The following SENP5 variants were observed in gnomAD, a reference collection of about 807,000 sequenced individuals.
SENP5 encodes SUMO specific peptidase 5, also known as sentrin-specific protease 5.
In SENP5, 21 loss-of-function variants were observed where a neutral mutation model predicts 74.2. The observed-to-expected ratio is 0.28, with a 90% CI of 0.20 to 0.41. The LOEUF (loss-of-function observed/expected upper bound fraction) is 0.41. SENP5 is among the 10% of genes least tolerant of loss of function. The pLI is 1.00. For missense variants in SENP5, 717 were observed against 889.1 expected, an observed-to-expected ratio of 0.81 and a Z score of 2.46; for synonymous variants, 311 against 312.7, an observed-to-expected ratio of 0.99 and a Z score of 0.06.
intron 1 of SENP5, among the ~76,000 whole-genome samples, chr3:196,878,758 A>G (rs773504326): frequency 4.6e-5 from 7 of 151,840 alleles, no homozygotes; most frequent in Non-Finnish European, 7.4e-5. Flanking sequence ...TGTCTGGCTC[A>G]TTTTTGTATT....
At chr3:196,907,372 A>T (rs974608501) in intron 6 of SENP5, among the ~76,000 whole-genome samples, 12 of 150,848 alleles carry the variant, frequency 8.0e-5, no homozygotes, top group African/African-American at 2.9e-4. Context: ...TACTCAGGAG[A>T]CTGAACCCAG....
chr3:196,933,266 TG>T lies in SENP5; in HGVS notation c.*2346del, dbSNP rs1164490082. 1 of 152,152 alleles carries T rather than the reference TG, an allele frequency of 6.6e-6. No individual in the cohort carries two copies. The highest frequency in any genetic ancestry group is 1.5e-5 in the Non-Finnish European group (1 of 68,042). 9.4% of individuals were successfully genotyped at this position (152,152 alleles called of 1,614,324 possible). On this transcript the variant is annotated 3_prime_UTR_variant, in exon 10 of 10. Coordinates refer to ENST00000323460, the MANE Select transcript of SENP5 (RefSeq NM_152699.5). ...CCTGACCTCAAGTGATCTGCCCGCC[TG>T]GGCCTCCCAAAGTGCTGGGATTACA...
intron 1 of SENP5, among the ~76,000 whole-genome samples, chr3:196,880,017 C>T (rs1713654839): frequency 6.6e-6 from 1 of 152,112 alleles, no homozygotes; most frequent in African/African-American, 2.4e-5. Context: ...GTGATCTCGG[C>T]TCACTGCAAC....
chr3:196,884,004 G>A (rs908530109), intron 1 of SENP5, among the ~76,000 whole-genome samples: 6 of 152,164 alleles, frequency 3.9e-5, no homozygotes, highest in African/African-American at 1.4e-4. Flanking sequence ...GTGTTCTCAT[G>A]TGTAAAATGA....
intron 6 of SENP5, 51 bp downstream of exon 6, chr3:196,903,661 C>G: frequency 8.7e-7 from 1 of 1,150,876 alleles, no homozygotes; most frequent in Non-Finnish European, 1.3e-6. Flanking sequence ...AGATGATAAA[C>G]CACTTTGTGT....
chr3:196,902,581 T>A lies in SENP5; in HGVS notation c.1807-952T>A, dbSNP rs6771345. Among the ~76,000 whole-genome samples the A allele has an allele frequency of 7.1e-3, 1,085 of 152,340 alleles. 10 individuals carry two copies. Among genetic ancestry groups the A allele is most frequent in the African/African-American group, 0.025 (1,030 of 41,576 alleles). On this transcript the variant is annotated intron_variant, in intron 5 of 9. Coordinates refer to ENST00000323460, the MANE Select transcript of SENP5 (RefSeq NM_152699.5). ...GATGAGGCCTGATAATTTGGATTTC[T>A]AACAAGTTCCTAGATGATGCTGACA...
chr3:196,890,978 A>G (rs974002019), intron 2 of SENP5, among the ~76,000 whole-genome samples: 1 of 152,244 alleles, frequency 6.6e-6, no homozygotes, highest in African/African-American at 2.4e-5. Context: ...ATTAAAACCA[A>G]ATACACAGAA....
chr3:196,882,724 G>A (rs1285536869), intron 1 of SENP5, among the ~76,000 whole-genome samples: 2 of 151,948 alleles, frequency 1.3e-5, no homozygotes, highest in African/African-American at 2.4e-5. Context: ...GGCTGGTCTC[G>A]AACTCCTGAC....
At chr3:196,929,366 A>G (rs558693964) in intron 8 of SENP5, 3 of 346,584 alleles carry the variant, frequency 8.7e-6, no homozygotes, top group East Asian at 1.5e-4. Flanking sequence ...ATCCAAATGC[A>G]TGTTTTAAAA....
chr3:196,922,385 G>A (rs977125981), intron 6 of SENP5, among the ~76,000 whole-genome samples: 9 of 152,192 alleles, frequency 5.9e-5, no homozygotes, highest in African/African-American at 2.2e-4. Flanking sequence ...CTTATATCAT[G>A]TCTGTTGAAC....
chr3:196,884,423 A>G (rs778010678), intron 1 of SENP5, among the ~76,000 whole-genome samples: 3 of 152,268 alleles, frequency 2.0e-5, no homozygotes, highest in Non-Finnish European at 4.4e-5. Context: ...TCAGGATTTA[A>G]TAAAATCTAA....
chr3:196,913,676 G>A (rs1330639939), intron 6 of SENP5, among the ~76,000 whole-genome samples: 2 of 128,088 alleles, frequency 1.6e-5, no homozygotes, highest in Non-Finnish European at 3.3e-5. Context: ...TTTTGATGGA[G>A]TGTTGCTCTT....
At chr3:196,870,437 C>T (rs751717719) in intron 1 of SENP5, among the ~76,000 whole-genome samples, 15 of 152,052 alleles carry the variant, frequency 9.9e-5, no homozygotes, top group African/African-American at 2.9e-4. Context: ...TTAGTAGAGC[C>T]GGAAATGGAC....
At chr3:196,874,707 C>G (rs1235943866) in intron 1 of SENP5, among the ~76,000 whole-genome samples, 1 of 152,182 alleles carries the variant, frequency 6.6e-6, no homozygotes, top group East Asian at 1.9e-4. Flanking sequence ...TGGAGAAACC[C>G]GGTCTCTACT....
chr3:196,889,288 A>G (rs1714108614), intron 2 of SENP5, among the ~76,000 whole-genome samples: 1 of 152,034 alleles, frequency 6.6e-6, no homozygotes, highest in South Asian at 2.1e-4. Flanking sequence ...TGATACTTAC[A>G]CCTGAAAAGA....
chr3:196,885,099 CTT>C, intron 1 of SENP5, 50 bp from the exon 2 acceptor site: 1 of 1,102,718 alleles, frequency 9.1e-7, no homozygotes, highest in Non-Finnish European at 1.3e-6. Flanking sequence ...GTGAATATGT[CTT>C]CATGACCTTA....
At chr3:196,896,320 CATG>C (rs1714438319) in intron 2 of SENP5, among the ~76,000 whole-genome samples, 1 of 152,168 alleles carries the variant, frequency 6.6e-6, no homozygotes, top group Non-Finnish European at 1.5e-5. Flanking sequence ...AGTGGCATGA[CATG>C]ATAGTTAACA....
At position 196,926,327 on chromosome 3, in the gene SENP5, C is replaced by A. The variant is rs1715809459; in HGVS notation, c.2023-1469C>A. Among the ~76,000 whole-genome samples, 4 of 151,834 alleles carry A rather than the reference C, an allele frequency of 2.6e-5. No homozygotes were observed. In the South Asian group the frequency reaches 8.3e-4, roughly 32 times the overall value. On this transcript the variant is annotated intron_variant, in intron 7 of 9. Coordinates refer to ENST00000323460, the MANE Select transcript of SENP5 (RefSeq NM_152699.5). ...TGAAACCCCGTCTCTATTAAAAATA[C>A]AAAAATTAGCTGGGCATGGTGGTGC...
intron 6 of SENP5, among the ~76,000 whole-genome samples, chr3:196,907,957 GAA>G (rs751063960): frequency 6.6e-6 from 1 of 151,904 alleles, no homozygotes; most frequent in Non-Finnish European, 1.5e-5. Context: ...ATATGAAAAA[GAA>G]AGGTTGAAAA....
Sources: allele counts gnomAD v4.1 joint callset (sites outside exome capture counted in the v4.1 genomes callset), GRCh38; gene constraint gnomAD v4.1.1; transcripts MANE v1.5; gene names NCBI Gene and HGNC (gene_info 2026-07-23, HGNC 2026-07-21).